COL6A1: variants seen among roughly 807,000 people sequenced by gnomAD.
COL6A1 encodes collagen alpha-1(VI) chain.
A neutral mutation model predicts 145.6 loss-of-function variants in COL6A1; 80 were observed. That is an observed-to-expected ratio of 0.55 (90% confidence interval 0.46 to 0.66). COL6A1 has a LOEUF of 0.66. COL6A1 is among the 30% of genes least tolerant of loss of function. The pLI, the probability that COL6A1 is intolerant of heterozygous loss-of-function variation, is 0.00. For missense variants in COL6A1, 1,364 were observed against 1,473.8 expected (o/e 0.93, Z 1.22); for synonymous variants, 638 against 622.8 (o/e 1.02, Z -0.36).
In COL6A1 at chr21:46,001,345, G is replaced by T. The variant is rs564072783; in HGVS notation, c.1915G>T (p.Val639Phe). 3.1e-6 allele frequency: 5 copies of T among 1,612,760 alleles called. No individual in the cohort carries two copies. The highest frequency in any genetic ancestry group is 4.2e-6 in the Non-Finnish European group (5 of 1,179,894). ...CTTCGAGATTGCCAAGGACTTCGTCGTCAAGGTCATCGACCGGCTGAGCCG... is the reference window on the plus strand; with the variant it reads ...CTTCGAGATTGCCAAGGACTTCGTCTTCAAGGTCATCGACCGGCTGAGCCG... ...QNFEIAKDFV[V>F]KVIDRLSRDE... The change falls in exon 30 of 35, where the codon GTC becomes TTC. Residue 639 changes from valine to phenylalanine, a missense_variant. By Grantham distance (50) the Val-to-Phe change is conservative. This residue lies in a region of COL6A1 where 938 missense variants were observed against 1,003.8 expected (regional missense o/e 0.93). Coordinates refer to ENST00000361866, the MANE Select transcript of COL6A1 (RefSeq NM_001848.3).
rs1280250451 is a variant in COL6A1 at position 45,990,442 on chromosome 21, A to T, written c.1002+20A>T. 5 of 1,030,712 alleles carry T rather than the reference A, an allele frequency of 4.9e-6. No homozygotes were observed. The highest frequency in any genetic ancestry group is 6.3e-6 in the Non-Finnish European group (5 of 799,508). 63.8% of individuals were successfully genotyped at this position (1,030,712 alleles called of 1,614,324 possible). On this transcript the variant is annotated intron_variant, in intron 13 of 34. Coordinates refer to ENST00000361866, the MANE Select transcript of COL6A1 (RefSeq NM_001848.3). ...GTGAAGGTGACTGGGGGGAGATAGGATGGACGGGGAGGGACGAGGAGGAAT... is the reference window on the plus strand; with the variant it reads ...GTGAAGGTGACTGGGGGGAGATAGGTTGGACGGGGAGGGACGAGGAGGAAT...
rs866939049 is a variant in COL6A1, at chr21:46,004,539, C to A, written c.*526C>A. Reference sequence around the variant, plus strand: ...CCCACCAATCCTCACCTAACAGTTACTTTACAATTAAACTCAAAGCAAGCT... The same window carrying A: ...CCCACCAATCCTCACCTAACAGTTAATTTACAATTAAACTCAAAGCAAGCT... On this transcript the variant is annotated 3_prime_UTR_variant, in exon 35 of 35. Transcript: ENST00000361866. 2 of 318,178 alleles carry A rather than the reference C, an allele frequency of 6.3e-6. No homozygotes were observed. The highest frequency in any genetic ancestry group is 7.5e-5 in the Admixed American group (2 of 26,708). The allele number at this position is 318,178 out of a possible 1,614,324, so 19.7% of individuals were successfully genotyped here.
At chr21:45,990,309 G>C in intron 12 of COL6A1, 25 bp downstream of exon 12, 1 of 1,612,746 alleles carries the variant, frequency 6.2e-7, no homozygotes, top group South Asian at 1.1e-5. Flanking sequence ...CTGGGAGGGG[G>C]GAGTTCTGCC....
chr21:45,999,779 T>A, intron 27 of COL6A1, 87 bp downstream of exon 27: 4 of 986,190 alleles, frequency 4.1e-6, no homozygotes, highest in Non-Finnish European at 4.3e-6. Context: ...GGTGCTCCTG[T>A]AGACGCTGCT....
chr21:45,986,491 A>G (rs1228874458), intron 3 of COL6A1, 35 bp from the exon 4 acceptor site: 34 of 1,549,124 alleles, frequency 2.2e-5, no homozygotes, highest in Non-Finnish European at 2.8e-5. Context: ...TCCCCCACCT[A>G]GTCTCGAGGT....
At chr21:45,986,417 A>G in intron 3 of COL6A1, 109 bp from the exon 4 acceptor site, 1 of 1,058,084 alleles carries the variant, frequency 9.5e-7, no homozygotes, top group South Asian at 1.4e-5. Context: ...CAGCAAAGAG[A>G]GGCGGCTCCT....
In COL6A1 at chr21:45,987,081, C is replaced by G. The variant is rs183868804; in HGVS notation, c.717+9C>G. ...CCATCGTGGACATGATCGTGAGGCCCCTGCCCAGGAGACGGGGAGGCCCGC... is the reference window on the plus strand; with the variant it reads ...CCATCGTGGACATGATCGTGAGGCCGCTGCCCAGGAGACGGGGAGGCCCGC... On this transcript the variant is annotated intron_variant, in intron 5 of 34. Coordinates refer to ENST00000361866, the MANE Select transcript of COL6A1 (RefSeq NM_001848.3). The G allele has an allele frequency of 3.2e-6, 5 of 1,560,470 alleles. No homozygotes were observed. In the African/African-American group the frequency reaches 6.8e-5, roughly 21 times the overall value.
chr21:46,004,151 G>A lies in COL6A1; in HGVS notation c.*138G>A, dbSNP rs2077867191. 2.3e-5 allele frequency: 28 copies of A among 1,220,676 alleles called. No individual in the cohort carries two copies. Among genetic ancestry groups the A allele is most frequent in the Non-Finnish European group, 3.0e-5 (26 of 868,566 alleles). 75.6% of individuals were successfully genotyped at this position (1,220,676 alleles called of 1,614,324 possible). ...TTTAAGGAAAAGCTTGGAAAGCCAGGACACAACGCTGCTGCCTGCTTTGTG... is the reference window on the plus strand; with the variant it reads ...TTTAAGGAAAAGCTTGGAAAGCCAGAACACAACGCTGCTGCCTGCTTTGTG... On this transcript the variant is annotated 3_prime_UTR_variant, in exon 35 of 35. Transcript: ENST00000361866.
rs2077870075 is a variant in COL6A1 at position 46,004,493 on chromosome 21, C to G, written c.*480C>G. ...TGTGCCGCACTAGCCTCCCTCTCCT[C>G]TGTCCCCATAGCTGGTTTTTCCCAC... On this transcript the variant is annotated 3_prime_UTR_variant, in exon 35 of 35. Coordinates refer to ENST00000361866, the MANE Select transcript of COL6A1 (RefSeq NM_001848.3). 1 of 322,042 alleles carries G rather than the reference C, an allele frequency of 3.1e-6. No individual in the cohort carries two copies. The highest frequency in any genetic ancestry group is 6.3e-6 in the Non-Finnish European group (1 of 158,818). The allele number at this position is 322,042 out of a possible 1,614,324, so 19.9% of individuals were successfully genotyped here. A position where few individuals can be genotyped will look rare whatever the true frequency, so the allele number is the denominator to read the frequency against.
intron 3 of COL6A1, among the ~76,000 whole-genome samples, chr21:45,985,471 T>A (rs2077734291): frequency 6.6e-6 from 1 of 151,978 alleles, no homozygotes; most frequent in South Asian, 2.1e-4. Flanking sequence ...GGGGTGGTTT[T>A]CCCCACAGCA....
chr21:45,991,134 G>T, intron 15 of COL6A1, 93 bp downstream of exon 15: 1 of 1,418,846 alleles, frequency 7.0e-7, no homozygotes, highest in Non-Finnish European at 9.9e-7. Context: ...CCTGGTCCGA[G>T]CATGTCGGCC....
chr21:45,995,107 C>T (rs1368410375), intron 20 of COL6A1, among the ~76,000 whole-genome samples: 6 of 152,204 alleles, frequency 3.9e-5, no homozygotes, highest in African/African-American at 1.4e-4. Context: ...TGAAATCGTG[C>T]TTTTGTGGTG....
At chr21:45,987,346 C>T (rs748108912) in intron 6 of COL6A1, 153 bp from the exon 7 acceptor site, 15 of 1,456,448 alleles carry the variant, frequency 1.0e-5, no homozygotes, top group Non-Finnish European at 1.3e-5. Flanking sequence ...GCGTGTCCAC[C>T]TGTGTGTCTG....
At position 46,001,199 on chromosome 21, in the gene COL6A1, G is replaced by T. The variant is rs1569519026; in HGVS notation, c.1823-54G>T. On this transcript the variant is annotated intron_variant, in intron 29 of 34. Transcript: ENST00000361866. ...GGGGCCAGGGCGGTGGAGGGGAGGG[G>T]CCAGGGCACTGGAGGGGAGGGGCGT... 5 of 1,585,952 alleles carry T rather than the reference G, an allele frequency of 3.2e-6. No homozygotes were observed. In the East Asian group the frequency reaches 9.0e-5, roughly 29 times the overall value.
At chr21:45,996,758 A>G (rs532476042) in intron 20 of COL6A1, among the ~76,000 whole-genome samples, 2 of 152,206 alleles carry the variant, frequency 1.3e-5, no homozygotes, top group South Asian at 4.2e-4. Flanking sequence ...TCGCCGCTGG[A>G]GTTGTCCACG....
rs561205670 is a variant in COL6A1 at position 46,002,786 on chromosome 21, C to T, written c.2434+76C>T. On this transcript the variant is annotated intron_variant, in intron 33 of 34. Coordinates refer to ENST00000361866, the MANE Select transcript of COL6A1 (RefSeq NM_001848.3). The stretch of plus-strand genomic sequence containing the variant: ...GGCCGCCCGGGCAGTCCCAGATCTG[C>T]GTAGGTGCACGCGGGGCCGCCCGGG... 1.9e-3 allele frequency: 2,754 copies of T among 1,455,880 alleles called. 12 individuals carry two copies. The highest frequency in any genetic ancestry group is 3.1e-3 in the South Asian group (256 of 82,272). The allele number at this position is 1,455,880 out of a possible 1,614,324, so 90.2% of individuals were successfully genotyped here. A position where few individuals can be genotyped will look rare whatever the true frequency, so the allele number is the denominator to read the frequency against.
At chr21:45,997,867 C>T (rs1424356446) in intron 22 of COL6A1, 105 bp downstream of exon 22, 7 of 1,290,498 alleles carry the variant, frequency 5.4e-6, no homozygotes, top group East Asian at 2.5e-5. Flanking sequence ...CTGACCGGGC[C>T]GGGAGTGCCC....
At chr21:45,990,708 A>G (rs926393609) in intron 13 of COL6A1, 65 bp from the exon 14 acceptor site, 3 of 1,438,780 alleles carry the variant, frequency 2.1e-6, no homozygotes, top group South Asian at 1.1e-5. Flanking sequence ...ACCAAGTCTG[A>G]CAGTTGATTG....
At chr21:45,989,009 T>A in intron 8 of COL6A1, 75 bp from the exon 9 acceptor site, 2 of 1,569,768 alleles carry the variant, frequency 1.3e-6, no homozygotes, top group Non-Finnish European at 1.7e-6. Flanking sequence ...AGCGTCTTTT[T>A]AAAAACCTGT....
Sources: gnomAD v4.1 joint callset for allele counts (sites outside exome capture counted in the v4.1 genomes callset) on GRCh38, gnomAD v4.1.1 for gene constraint, gnomAD v4.1.1 regional missense constraint, MANE v1.5 for transcripts, NCBI Gene and HGNC (gene_info 2026-07-23, HGNC 2026-07-21) for gene names.